Variants in ESRP1 observed in about 807,000 individuals in gnomAD.
The protein encoded by ESRP1 is epithelial splicing regulatory protein 1, also known as RNA-binding motif protein 35A.
ESRP1 carries 33 observed loss-of-function variants against 81.7 expected under a neutral mutation model. The ratio of observed to expected loss-of-function variants is 0.40; its 90% CI spans 0.31 to 0.54. ESRP1 has a LOEUF of 0.54. Ranked by LOEUF, ESRP1 falls within the 20% of genes least tolerant of loss-of-function variation. The pLI is 0.41. For synonymous variants in ESRP1, 320 were observed against 303.3 expected (o/e 1.06, Z -0.57); for missense variants, 672 against 833.1 (o/e 0.81, Z 2.38).
chr8:94,682,243 C>T (rs1468668940), intron 13 of ESRP1, among the ~76,000 whole-genome samples: 2 of 152,290 alleles, frequency 1.3e-5, no homozygotes, highest in African/African-American at 2.4e-5. Flanking sequence ...GAATATTCTC[C>T]TTTGCATCAA....
intron 13 of ESRP1, among the ~76,000 whole-genome samples, chr8:94,690,611 C>A (rs542970336): frequency 6.6e-6 from 1 of 151,980 alleles, no homozygotes; most frequent in Non-Finnish European, 1.5e-5. Context: ...ACCTTAGATG[C>A]GGAATATAAT....
intron 13 of ESRP1, among the ~76,000 whole-genome samples, chr8:94,682,615 C>T (rs1261213701): frequency 1.7e-5 from 2 of 117,520 alleles, no homozygotes; most frequent in East Asian, 3.3e-4. Flanking sequence ...AATCTTCCCA[C>T]GTCAGCCTCC....
chr8:94,660,709 C>CAAAAAAAAAAAAAAAAAAAAAAAAA (rs60316449), intron 4 of ESRP1, among the ~76,000 whole-genome samples: 9 of 43,534 alleles, frequency 2.1e-4, no homozygotes, highest in Non-Finnish European at 2.6e-4. Flanking sequence ...GAGACTATCT[C>CAAAAAAAAAAAAAAAAAAAAAAAAA]AAAAAAAAAA....
At chr8:94,695,776 C>G (rs115786959) in intron 14 of ESRP1, among the ~76,000 whole-genome samples, 1 of 152,136 alleles carries the variant, frequency 6.6e-6, no homozygotes, top group East Asian at 1.9e-4. Flanking sequence ...CATAAAACTA[C>G]TCTAGGCCAG....
Position 94,707,303 on chromosome 8 carries a change from G to A in ESRP1, c.*1414G>A, listed in dbSNP as rs1320925554. The A allele has an allele frequency of 2.0e-5, 3 of 152,096 alleles. No homozygotes were observed. The highest frequency in any genetic ancestry group is 4.4e-5 in the Non-Finnish European group (3 of 68,018). 9.4% of individuals were successfully genotyped at this position (152,096 alleles called of 1,614,324 possible). ...TTTGTGTGAAAATTGGTGATAACTG[G>A]CACTTAAGATCGAAAAGAAATTTCT... On this transcript the variant is annotated 3_prime_UTR_variant, in exon 16 of 16. Transcript: ENST00000433389.
At chr8:94,650,047 CT>C (rs1818044092) in intron 4 of ESRP1, among the ~76,000 whole-genome samples, 1 of 152,128 alleles carries the variant, frequency 6.6e-6, no homozygotes, top group African/African-American at 2.4e-5. Context: ...TGCCCCCTCA[CT>C]GTGAAAGTGC....
intron 4 of ESRP1, among the ~76,000 whole-genome samples, chr8:94,659,161 G>A (rs763610213): frequency 6.6e-5 from 10 of 152,046 alleles, no homozygotes; most frequent in African/African-American, 1.7e-4. Context: ...GATTACAGGC[G>A]TGAGCCACCG....
At chr8:94,704,014 C>A (rs1809954420) in intron 15 of ESRP1, among the ~76,000 whole-genome samples, 1 of 152,104 alleles carries the variant, frequency 6.6e-6, no homozygotes, top group African/African-American at 2.4e-5. Flanking sequence ...AAACTGAGTG[C>A]CAAATTGTGG....
intron 14 of ESRP1, among the ~76,000 whole-genome samples, chr8:94,695,348 C>CTT (rs1177357708): frequency 0.014 from 839 of 61,124 alleles, 69 homozygotes; most frequent in South Asian, 0.027. Flanking sequence ...CTTTTTCTTT[C>CTT]TTTTTTTTTT....
chr8:94,702,033 G>T (rs1042377416), intron 15 of ESRP1, among the ~76,000 whole-genome samples: 2 of 152,170 alleles, frequency 1.3e-5, no homozygotes, highest in Non-Finnish European at 2.9e-5. Context: ...AGCTGTCATC[G>T]TGCCACTGCC....
At chr8:94,664,380 T>TTGAA (rs1818912716) in intron 6 of ESRP1, among the ~76,000 whole-genome samples, 1 of 152,090 alleles carries the variant, frequency 6.6e-6, no homozygotes, top group South Asian at 2.1e-4. Flanking sequence ...TACCTCAGCC[T>TTGAA]CCCAAAGTGC....
At chr8:94,698,181 G>A (rs57814850) in intron 15 of ESRP1, among the ~76,000 whole-genome samples, 3,097 of 152,296 alleles carry the variant, frequency 0.02, 96 homozygotes, top group African/African-American at 0.069. Context: ...TTATTGTGCA[G>A]CCAGGTACCG....
intron 4 of ESRP1, among the ~76,000 whole-genome samples, chr8:94,654,113 GTT>G (rs1818284415): frequency 6.6e-6 from 1 of 152,150 alleles, no homozygotes; most frequent in African/African-American, 2.4e-5. Flanking sequence ...GAGGTCAGGA[GTT>G]TGAGAACAGC....
At chr8:94,669,537 C>G (rs1819198600) in intron 10 of ESRP1, among the ~76,000 whole-genome samples, 1 of 152,146 alleles carries the variant, frequency 6.6e-6, no homozygotes, top group Admixed American at 6.5e-5. Flanking sequence ...TACTGGTGCT[C>G]TTGAACCCTA....
chr8:94,678,893 T>G (rs1808750698), intron 13 of ESRP1, among the ~76,000 whole-genome samples: 1 of 152,204 alleles, frequency 6.6e-6, no homozygotes, highest in Admixed American at 6.5e-5. Context: ...AAGTCTGTCT[T>G]TTTAGTTGTG....
chr8:94,662,550 A>C lies in ESRP1; in HGVS notation c.639A>C (p.Gly213=), dbSNP rs763894703. 8.1e-6 allele frequency: 13 copies of C among 1,607,092 alleles called. No individual in the cohort carries two copies. Among genetic ancestry groups the C allele is most frequent in the Non-Finnish European group, 1.1e-5 (13 of 1,176,380 alleles). The change falls in exon 6 of 16, where the codon GGA becomes GGC. Residue 213 remains glycine (G), a synonymous_variant. Coordinates refer to ENST00000433389, the MANE Select transcript of ESRP1 (RefSeq NM_017697.4). Reference sequence around the variant, plus strand: ...GAGTGAATTACAAGTTTGAAAGTGGAACTTGGTAAGTGCTTGAGTACTATT... The same window carrying C: ...GAGTGAATTACAAGTTTGAAAGTGGCACTTGGTAAGTGCTTGAGTACTATT... ...PERVNYKFES[G]TCSKMELIDD...
intron 15 of ESRP1, among the ~76,000 whole-genome samples, chr8:94,703,626 T>C (rs1809936986): frequency 1.3e-5 from 2 of 152,200 alleles, no homozygotes; most frequent in South Asian, 4.1e-4. Context: ...AATGAAGAAG[T>C]TGGTACTCAC....
At position 94,707,099 on chromosome 8, in the gene ESRP1, A is replaced by G. The variant is rs1046155; in HGVS notation, c.*1210A>G. 6.6e-6 allele frequency: 1 copy of G among 152,082 alleles called. No homozygotes were observed. Among genetic ancestry groups the G allele is most frequent in the Non-Finnish European group, 1.5e-5 (1 of 68,000 alleles). The allele number at this position is 152,082 out of a possible 1,614,324, so 9.4% of individuals were successfully genotyped here. ...ATTTCATTAAGTGCATTGAATGTGG[A>G]TATTTCTCTAAGTTACTCATATTGT... On this transcript the variant is annotated 3_prime_UTR_variant, in exon 16 of 16. Coordinates refer to ENST00000433389, the MANE Select transcript of ESRP1 (RefSeq NM_017697.4).
chr8:94,645,835 T>C (rs1563515842), intron 3 of ESRP1, among the ~76,000 whole-genome samples: 1 of 152,184 alleles, frequency 6.6e-6, no homozygotes, highest in Non-Finnish European at 1.5e-5. Flanking sequence ...AAAATGGTTA[T>C]GGCTGGAAAA....
Sources: gnomAD v4.1 joint callset for allele counts (sites outside exome capture counted in the v4.1 genomes callset) on GRCh38, gnomAD v4.1.1 for gene constraint, MANE v1.5 for transcripts, NCBI Gene and HGNC (gene_info 2026-07-23, HGNC 2026-07-21) for gene names.